GCNT2: variants seen among roughly 807,000 people sequenced by gnomAD.
The protein encoded by GCNT2 is N-acetyllactosaminide beta-1,6-N-acetylglucosaminyl-transferase.
A neutral mutation model predicts 34.2 loss-of-function variants in GCNT2; 34 were observed. The ratio of observed to expected loss-of-function variants is 1.00; its 90% confidence interval spans 0.76 to 1.32. The LOEUF (loss-of-function observed/expected upper bound fraction) is 1.32, where lower values mean the gene tolerates loss of function less well. GCNT2 is among the 40% of genes most tolerant of loss of function. The pLI is 0.00. For synonymous variants in GCNT2, 212 were observed against 188.0 expected (o/e 1.13, Z -1.04); for missense variants, 584 against 489.4 (o/e 1.19, Z -1.82).
chr6:10,530,194 T>G (rs909619350), intron 3 of GCNT2: 2 of 209,994 alleles, frequency 9.5e-6, no homozygotes, highest in South Asian at 6.8e-5. Flanking sequence ...AAAACCTGTA[T>G]CTACTAAAAA....
chr6:10,596,351 G>A (rs891353354), intron 3 of GCNT2, among the ~76,000 whole-genome samples: 3 of 152,018 alleles, frequency 2.0e-5, no homozygotes, highest in South Asian at 2.1e-4. Flanking sequence ...GTGAAACCCC[G>A]TCTCTACTAA....
chr6:10,528,497 G>A (rs1581358922), intron 2 of GCNT2, 134 bp from the exon 3 acceptor site: 1 of 261,996 alleles, frequency 3.8e-6, no homozygotes, highest in East Asian at 9.1e-5. Context: ...CTCTGGCCGG[G>A]ACAAGAGGCT....
intron 3 of GCNT2, among the ~76,000 whole-genome samples, chr6:10,567,166 TA>T (rs1382152769): frequency 6.6e-6 from 1 of 151,862 alleles, no homozygotes; most frequent in East Asian, 1.9e-4. Context: ...AAAAAAATAA[TA>T]AAATGAAATT....
chr6:10,609,816 A>AGT (rs1369980458), intron 3 of GCNT2, among the ~76,000 whole-genome samples: 3 of 152,176 alleles, frequency 2.0e-5, no homozygotes. Context: ...TGAGAAATGA[A>AGT]GTGAGGAGTT....
At chr6:10,592,281 G>A (rs1257356131) in intron 3 of GCNT2, among the ~76,000 whole-genome samples, 1 of 152,208 alleles carries the variant, frequency 6.6e-6, no homozygotes, top group Admixed American at 6.5e-5. Context: ...TGGATAGCCA[G>A]ATGATATTAA....
chr6:10,558,192 T>C (rs1034081695), intron 3 of GCNT2, among the ~76,000 whole-genome samples: 3 of 152,234 alleles, frequency 2.0e-5, no homozygotes, highest in Non-Finnish European at 2.9e-5. Context: ...CCTCTGCATT[T>C]GTTCCATGAA....
Position 10,578,595 on chromosome 6 carries a change from C to T in GCNT2, c.926-42756C>T, listed in dbSNP as rs370559808. ...CCGCGTAGGTGGGACTAGAGGCACG[C>T]GCCACCTCGCCTGGCCAATTTTTTG... is the stretch of plus-strand genomic sequence containing the variant. On this transcript the variant is annotated intron_variant, in intron 3 of 4. Transcript: ENST00000495262. Among the ~76,000 whole-genome samples the T allele has an allele frequency of 4.6e-5, 7 of 151,756 alleles. No individual in the cohort carries two copies. In the South Asian group the frequency reaches 1.0e-3, roughly 23 times the overall value.
At chr6:10,587,212 A>G (rs1764394283) in intron 3 of GCNT2, among the ~76,000 whole-genome samples, 1 of 152,222 alleles carries the variant, frequency 6.6e-6, no homozygotes, top group South Asian at 2.1e-4. Context: ...ACACAGCTGT[A>G]ACAAACAAAA....
chr6:10,556,634 T>C (rs749097865), intron 3 of GCNT2: 1 of 1,613,970 alleles, frequency 6.2e-7, no homozygotes. Context: ...TGAGAAGTCT[T>C]CTTGCAAGGA....
intron 3 of GCNT2, among the ~76,000 whole-genome samples, chr6:10,615,264 G>A (rs1394622906): frequency 6.6e-6 from 1 of 152,106 alleles, no homozygotes; most frequent in Non-Finnish European, 1.5e-5. Context: ...AATCTTCTGG[G>A]GATTTTGTGA....
chr6:10,596,251 C>A (rs1010803083), intron 3 of GCNT2, among the ~76,000 whole-genome samples: 14 of 152,106 alleles, frequency 9.2e-5, no homozygotes, highest in African/African-American at 3.4e-4. Flanking sequence ...CAGCTGGGTG[C>A]AGTGACTCAC....
At chr6:10,555,032 G>A (rs1481503286) in intron 3 of GCNT2, among the ~76,000 whole-genome samples, 2 of 152,182 alleles carry the variant, frequency 1.3e-5, no homozygotes, top group South Asian at 2.1e-4. Flanking sequence ...AGGAATCCGC[G>A]TGTTGTCCTA....
chr6:10,600,737 CTT>C (rs1239417136), intron 3 of GCNT2, among the ~76,000 whole-genome samples: 2 of 152,168 alleles, frequency 1.3e-5, no homozygotes, highest in Non-Finnish European at 2.9e-5. Flanking sequence ...GAGGGTCTCT[CTT>C]AGATCCTCAG....
intron 3 of GCNT2, chr6:10,619,757 T>C (rs918866117): frequency 2.6e-5 from 4 of 152,182 alleles, no homozygotes; most frequent in African/African-American, 7.2e-5. Flanking sequence ...ATATATTGTC[T>C]TACAATTCTG....
intron 3 of GCNT2, among the ~76,000 whole-genome samples, chr6:10,608,949 G>A (rs1765438173): frequency 6.6e-6 from 1 of 152,206 alleles, no homozygotes; most frequent in South Asian, 2.1e-4. Flanking sequence ...TGGGGCCAGG[G>A]TGGCCAGAGA....
rs777189957 is a variant in GCNT2 at position 10,570,709 on chromosome 6, C to G, written c.925+40873C>G. On this transcript the variant is annotated intron_variant, in intron 3 of 4. Coordinates refer to ENST00000495262, the MANE Select transcript of GCNT2 (RefSeq NM_145649.5). Reference sequence around the variant, plus strand: ...TTTGGGGGGCCTACTGAAAAAGGCCCTCCTGCCTTAGAGTCCAAATCCCCT... The same window carrying G: ...TTTGGGGGGCCTACTGAAAAAGGCCGTCCTGCCTTAGAGTCCAAATCCCCT... Among the ~76,000 whole-genome samples, 7 of 152,316 alleles carry G rather than the reference C, an allele frequency of 4.6e-5. No individual in the cohort carries two copies. The East Asian group carries it at 9.6e-4, about 21-fold the overall frequency.
At chr6:10,569,458 A>G (rs1763438538) in intron 3 of GCNT2, among the ~76,000 whole-genome samples, 1 of 152,046 alleles carries the variant, frequency 6.6e-6, no homozygotes. Context: ...AGTAGCTGGG[A>G]TTATAAGCAT....
At position 10,626,917 on chromosome 6, in the gene GCNT2, C is replaced by T. The variant is rs1420424871; in HGVS notation, c.*310C>T. The T allele has an allele frequency of 1.1e-5, 4 of 349,844 alleles. No individual in the cohort carries two copies. The highest frequency in any genetic ancestry group is 4.1e-5 in the African/African-American group (2 of 48,272). 21.7% of individuals were successfully genotyped at this position (349,844 alleles called of 1,614,324 possible). ...TGACCTCAGATCTTTGCACCAGATA[C>T]TCATCATATACAAATGTTTTAGTAA... is the stretch of plus-strand genomic sequence containing the variant. On this transcript the variant is annotated 3_prime_UTR_variant, in exon 5 of 5. Transcript: ENST00000495262.
intron 3 of GCNT2, among the ~76,000 whole-genome samples, chr6:10,582,456 A>G (rs1332083429): frequency 2.4e-5 from 3 of 127,024 alleles, no homozygotes; most frequent in East Asian, 4.1e-4. Context: ...TATAATATAT[A>G]TAATAAATAT....
Sources: gnomAD v4.1 joint callset for allele counts (sites outside exome capture counted in the v4.1 genomes callset) on GRCh38, gnomAD v4.1.1 for gene constraint, MANE v1.5 for transcripts, NCBI Gene and HGNC (gene_info 2026-07-23, HGNC 2026-07-21) for gene names.